Variants in ATAD2B observed in about 807,000 individuals in gnomAD.
ATAD2B encodes the protein ATPase family AAA domain-containing protein 2B.
Under a neutral mutation model 167.6 loss-of-function variants are expected in ATAD2B, and 40 were observed. That is an observed-to-expected ratio of 0.24 (90% CI 0.19 to 0.31). ATAD2B has a LOEUF of 0.31. Among genes scored for constraint, ATAD2B ranks in the 10% least tolerant of loss-of-function variants. ATAD2B has a pLI of 1.00. For synonymous variants in ATAD2B, 579 were observed against 596.5 expected (o/e 0.97, Z 0.43); for missense variants, 1,242 against 1,757.2 (o/e 0.71, Z 5.24).
At chr2:23,711,218 G>A in the ATAD2B span, among the ~76,000 whole-genome samples, 1 of 151,288 alleles carries the variant, frequency 6.6e-6, no homozygotes, top group East Asian at 1.9e-4. Context: ...TGGAATTGCA[G>A]GCAATTTTTC....
At position 23,750,581 on chromosome 2, in the gene ATAD2B, T is replaced by C. The variant is rs1675239103; in HGVS notation, c.*1465A>G. 1 of 152,098 alleles carries C rather than the reference T, an allele frequency of 6.6e-6. No homozygotes were observed. The highest frequency in any genetic ancestry group is 1.5e-5 in the Non-Finnish European group (1 of 67,982). 9.4% of individuals were successfully genotyped at this position (152,098 alleles called of 1,614,324 possible). On this transcript the variant is annotated 3_prime_UTR_variant, in exon 28 of 28. Transcript: ENST00000238789. ...AGTAGTCCAAGACCATTCGCCCTAA[T>C]TAAAACCCAAACTACATGTGTTGCA... is the stretch of plus-strand genomic sequence containing the variant.
intron 22 of ATAD2B, 122 bp downstream of exon 22, chr2:23,782,747 A>G (rs1354240794): frequency 1.4e-6 from 1 of 698,112 alleles, no homozygotes; most frequent in Non-Finnish European, 2.3e-6. Context: ...CTTATTGAGA[A>G]GTTTTGAAAA....
chr2:23,691,296 A>C, the ATAD2B span: 1 of 272,710 alleles, frequency 3.7e-6, no homozygotes, highest in Admixed American at 5.1e-5. Flanking sequence ...CAAGGCAGGC[A>C]GGGCCGGGCT....
At chr2:23,875,794 A>T in intron 8 of ATAD2B, 35 bp downstream of exon 8, 1 of 1,406,186 alleles carries the variant, frequency 7.1e-7, no homozygotes, top group South Asian at 1.2e-5. Flanking sequence ...TCTCATTGAC[A>T]AATGCAAATG....
the ATAD2B span, among the ~76,000 whole-genome samples, chr2:23,692,676 G>A: frequency 1.3e-5 from 2 of 152,186 alleles, no homozygotes; most frequent in African/African-American, 4.8e-5. Context: ...AGGGGAAAGA[G>A]TGCAAGGCCC....
chr2:23,816,443 A>ATATGCAGCTACAC lies in ATAD2B; in HGVS notation c.2267+3303_2267+3304insGTGTAGCTGCATA, dbSNP rs546222650. Among the ~76,000 whole-genome samples the ATATGCAGCTACAC allele has an allele frequency of 8.5e-5, 13 of 152,340 alleles. No individual in the cohort carries two copies. In the South Asian group the frequency reaches 2.7e-3, roughly 32 times the overall value. The stretch of plus-strand genomic sequence containing the variant: ...TATGGAATATCCAAAGTGTAAGATA[A>ATATGCAGCTACAC]TATGCAGCTATCTTAAAACAGTCAT... On this transcript the variant is annotated intron_variant, in intron 17 of 27. Coordinates refer to ENST00000238789, the MANE Select transcript of ATAD2B (RefSeq NM_017552.4).
At chr2:23,914,086 C>CA (rs1431369069) in intron 1 of ATAD2B, among the ~76,000 whole-genome samples, 9 of 151,508 alleles carry the variant, frequency 5.9e-5, no homozygotes, top group African/African-American at 1.9e-4. Flanking sequence ...CCTGTCTCTA[C>CA]AAAAAATTTT....
chr2:23,803,857 C>A lies in ATAD2B; in HGVS notation c.2455-5534G>T, dbSNP rs1046433338. Among the ~76,000 whole-genome samples the A allele has an allele frequency of 2.0e-5, 3 of 152,302 alleles. No individual in the cohort carries two copies. In the East Asian group the frequency reaches 5.8e-4, roughly 29 times the overall value. Reference sequence around the variant, plus strand: ...TAAGATTCCCTTTAAGACTGCCTTTCATGTTCATGTTACACTACTAAATAC... The same window carrying A: ...TAAGATTCCCTTTAAGACTGCCTTTAATGTTCATGTTACACTACTAAATAC... On this transcript the variant is annotated intron_variant, in intron 18 of 27. Transcript: ENST00000238789.
At chr2:23,685,655 C>A in the ATAD2B span, among the ~76,000 whole-genome samples, 1 of 152,248 alleles carries the variant, frequency 6.6e-6, no homozygotes, top group African/African-American at 2.4e-5. Flanking sequence ...CAGGAAGGGG[C>A]AGGCTCTTTG....
intron 17 of ATAD2B, among the ~76,000 whole-genome samples, chr2:23,815,852 T>G (rs994059496): frequency 3.9e-5 from 6 of 152,192 alleles, no homozygotes; most frequent in African/African-American, 1.4e-4. Flanking sequence ...CTTCTACATT[T>G]TTTCCCCATA....
At chr2:23,842,813 A>C (rs1691140260) in intron 13 of ATAD2B, among the ~76,000 whole-genome samples, 1 of 152,204 alleles carries the variant, frequency 6.6e-6, no homozygotes, top group African/African-American at 2.4e-5. Flanking sequence ...TTGAAAGGAG[A>C]TCAAAGCTCC....
chr2:23,898,239 C>G (rs1029301077), intron 1 of ATAD2B, among the ~76,000 whole-genome samples: 2 of 152,162 alleles, frequency 1.3e-5, no homozygotes, highest in African/African-American at 4.8e-5. Context: ...CACCACACCT[C>G]GCCCAGCAAC....
At chr2:23,685,988 CCCTCGGATGGCTTT>C in the ATAD2B span, among the ~76,000 whole-genome samples, 1 of 152,200 alleles carries the variant, frequency 6.6e-6, no homozygotes, top group Admixed American at 6.5e-5. Flanking sequence ...GAGCACAGGG[CCCTCGGATGGCTTT>C]CAGAGACCGC....
At chr2:23,732,303 A>C in the ATAD2B span, among the ~76,000 whole-genome samples, 3 of 152,230 alleles carry the variant, frequency 2.0e-5, no homozygotes, top group Admixed American at 2.0e-4. Context: ...TTGTAGATTA[A>C]GAGATTTAAA....
chr2:23,684,425 C>T, the ATAD2B span: 5 of 1,547,444 alleles, frequency 3.2e-6, no homozygotes, highest in Non-Finnish European at 4.4e-6. The surrounding 1 kb of genome is among the most constrained non-coding windows in gnomAD (Gnocchi z 4.4). Context: ...GAACCAGCAA[C>T]GCAGAGCGAA....
At chr2:23,891,260 T>C (rs962642760) in intron 2 of ATAD2B, among the ~76,000 whole-genome samples, 5 of 152,050 alleles carry the variant, frequency 3.3e-5, no homozygotes, top group African/African-American at 9.7e-5. Flanking sequence ...CCTCAGGTGA[T>C]CCACCCGCCT....
intron 2 of ATAD2B, among the ~76,000 whole-genome samples, chr2:23,893,662 A>G (rs1699818799): frequency 6.7e-6 from 1 of 149,858 alleles, no homozygotes; most frequent in Non-Finnish European, 1.5e-5. Flanking sequence ...TAAAAAAAAA[A>G]AAAACTTTTT....
chr2:23,828,854 C>T lies in ATAD2B; in HGVS notation c.1814G>A (p.Cys605Tyr). 1 of 1,605,984 alleles carries T rather than the reference C, an allele frequency of 6.2e-7. No individual in the cohort carries two copies. The change falls in exon 15 of 28, where the codon TGT becomes TAT. Residue 605 changes from cysteine (C) to tyrosine (Y), a missense_variant. This residue lies in a region of ATAD2B where 151 missense variants were observed against 284.1 expected (regional missense o/e 0.53). Coordinates refer to ENST00000238789, the MANE Select transcript of ATAD2B (RefSeq NM_017552.4). ...DAFLGELAEK[C>Y]VGYCGADIKA... is the part of the protein sequence containing the mutation. The stretch of plus-strand genomic sequence containing the variant: ...ATTCAAACAGTAACACTCACCAACA[C>T]ATTTTTCAGCCAATTCACCTAAAAA...
intron 24 of ATAD2B, among the ~76,000 whole-genome samples, chr2:23,759,727 A>T (rs898341585): frequency 2.0e-5 from 3 of 152,190 alleles, no homozygotes; most frequent in African/African-American, 7.2e-5. Context: ...TATTTATATA[A>T]TTTAAAGTTA....
Sources: allele counts gnomAD v4.1 joint callset (sites outside exome capture counted in the v4.1 genomes callset), GRCh38; gene constraint gnomAD v4.1.1; regional missense constraint gnomAD v4.1.1; non-coding constraint Gnocchi (gnomAD v3.1); transcripts MANE v1.5; gene names NCBI Gene and HGNC (gene_info 2026-07-23, HGNC 2026-07-21).